The following PUS7L variants were observed in gnomAD, a reference collection of about 807,000 sequenced individuals.
PUS7L encodes the protein pseudouridylate synthase PUS7L.
PUS7L carries 49 observed loss-of-function variants against 51.1 expected under a neutral mutation model. The observed-to-expected ratio is 0.96, with a 90% CI of 0.76 to 1.22. The LOEUF is 1.22. Ranked by LOEUF, PUS7L falls within the 50% of genes most tolerant of loss-of-function variation. The probability of loss-of-function intolerance (pLI) is 0.00; values close to 1 mark genes in which losing one functional copy is unlikely to be tolerated. For synonymous variants in PUS7L, 277 were observed against 276.2 expected (o/e 1.00, Z -0.03); for missense variants, 828 against 820.6 (o/e 1.01, Z -0.11).
At chr12:43,743,323 CACTT>C (rs1200603461) in intron 4 of PUS7L, among the ~76,000 whole-genome samples, 1 of 152,216 alleles carries the variant, frequency 6.6e-6, no homozygotes, top group Non-Finnish European at 1.5e-5. Context: ...GAGTCCTCCA[CACTT>C]ACTTTATGAG....
intron 2 of PUS7L, among the ~76,000 whole-genome samples, chr12:43,751,830 C>T (rs1459026512): frequency 1.3e-5 from 2 of 152,126 alleles, no homozygotes; most frequent in African/African-American, 2.4e-5. Context: ...TAAAAGTGTT[C>T]CTATTTCTCC....
chr12:43,746,279 T>C, intron 3 of PUS7L, 41 bp from the exon 4 acceptor site: 7 of 885,190 alleles, frequency 7.9e-6, no homozygotes, highest in Non-Finnish European at 1.2e-5. Flanking sequence ...AAATTTTACA[T>C]TTAAAAATTA....
At position 43,758,746 on chromosome 12, in the gene PUS7L, G is replaced by T. The variant is rs1939063887; in HGVS notation, c.-33C>A. The T allele has an allele frequency of 2.0e-6, 2 of 979,920 alleles. No individual in the cohort carries two copies. The highest frequency in any genetic ancestry group is 1.2e-4 in the East Asian group (1 of 8,510). The allele number at this position is 979,920 out of a possible 1,614,324, so 60.7% of individuals were successfully genotyped here. On this transcript the variant is annotated 5_prime_UTR_variant, in exon 1 of 9. Coordinates refer to ENST00000344862, the MANE Select transcript of PUS7L (RefSeq NM_031292.5). ...CCCGTCTACCTCGGTTCAGTGGAAG[G>T]CATTCATTTGCACAACGCTGTGCGC...
rs1944420787 is a variant in PUS7L at position 43,723,496 on chromosome 12, G to C, written c.*6880C>G. On this transcript the variant is annotated 3_prime_UTR_variant, in exon 9 of 9. Transcript: ENST00000344862. ...TAACATATTATTGGTCATACAGTGA[G>C]CTGTAAGTGAAATGAAAAGATGCTG... 6.6e-6 allele frequency: 1 copy of C among 152,094 alleles called. No homozygotes were observed. Among genetic ancestry groups the C allele is most frequent in the African/African-American group, 2.4e-5 (1 of 41,434 alleles). The allele number at this position is 152,094 out of a possible 1,614,324, so 9.4% of individuals were successfully genotyped here. A position where few individuals can be genotyped will look rare whatever the true frequency, so the allele number is the denominator to read the frequency against.
intron 4 of PUS7L, among the ~76,000 whole-genome samples, chr12:43,743,661 G>T (rs1300654704): frequency 6.6e-6 from 1 of 152,088 alleles, no homozygotes; most frequent in African/African-American, 2.4e-5. Context: ...TACTCAGGAG[G>T]CTGGGGCAGG....
intron 7 of PUS7L, among the ~76,000 whole-genome samples, chr12:43,732,310 G>C (rs932715620): frequency 1.3e-5 from 2 of 151,932 alleles, no homozygotes; most frequent in Non-Finnish European, 2.9e-5. Flanking sequence ...AGCCAGGTGT[G>C]GTGGCACATG....
At position 43,722,559 on chromosome 12, in the gene PUS7L, C is replaced by A. The variant is rs981699377; in HGVS notation, c.*7817G>T. ...CATAGAATAAAAATGTATTCGATTC[C>A]TTTGCGATATTTTATAGAAAAATAA... On this transcript the variant is annotated 3_prime_UTR_variant, in exon 9 of 9. Transcript: ENST00000344862. 2.0e-5 allele frequency: 3 copies of A among 151,934 alleles called. No homozygotes were observed. The highest frequency in any genetic ancestry group is 4.4e-5 in the Non-Finnish European group (3 of 67,922). 9.4% of individuals were successfully genotyped at this position (151,934 alleles called of 1,614,324 possible). A position where few individuals can be genotyped will look rare whatever the true frequency, so the allele number is the denominator to read the frequency against.
Position 43,729,565 on chromosome 12 carries a change from GA to G in PUS7L, c.*810del, listed in dbSNP as rs1380897973. Reference sequence around the variant, plus strand: ...ACAATGTTTTGTTCCTCCAGCAACAGAAAATGTGGAGATAATCCTATTATTT... The same window carrying G: ...ACAATGTTTTGTTCCTCCAGCAACAGAAATGTGGAGATAATCCTATTATTT... On this transcript the variant is annotated 3_prime_UTR_variant, in exon 9 of 9. Coordinates refer to ENST00000344862, the MANE Select transcript of PUS7L (RefSeq NM_031292.5). 1 of 200,702 alleles carries G rather than the reference GA, an allele frequency of 5.0e-6. No individual in the cohort carries two copies. Among genetic ancestry groups the G allele is most frequent in the Non-Finnish European group, 1.0e-5 (1 of 100,096 alleles). 12.4% of individuals were successfully genotyped at this position (200,702 alleles called of 1,614,324 possible). A position where few individuals can be genotyped will look rare whatever the true frequency, so the allele number is the denominator to read the frequency against.
In PUS7L at chr12:43,748,216, C is replaced by A. The variant is rs141219554; in HGVS notation, c.1070+234G>T. 4.1e-3 allele frequency among the ~76,000 whole-genome samples: 630 copies of A among 152,090 alleles called. 5 individuals are homozygous for A. Among genetic ancestry groups the A allele is most frequent in the African/African-American group, 0.014 (594 of 41,468 alleles). On this transcript the variant is annotated intron_variant, in intron 3 of 8. Transcript: ENST00000344862. Reference sequence around the variant, plus strand: ...AATTTGTAAAATTTGATTAAGCTGACGGAGGCTAAATTTGAGTACTTTACA... The same window carrying A: ...AATTTGTAAAATTTGATTAAGCTGAAGGAGGCTAAATTTGAGTACTTTACA...
rs372816171 is a variant in PUS7L, at chr12:43,727,963, G to C, written c.*2413C>G. ...ATTTTGATGACACAGCTTCTCCTTCGGCATGTTTAATTGGCATGTGATGTT... is the reference window on the plus strand; with the variant it reads ...ATTTTGATGACACAGCTTCTCCTTCCGCATGTTTAATTGGCATGTGATGTT... On this transcript the variant is annotated 3_prime_UTR_variant, in exon 9 of 9. Coordinates refer to ENST00000344862, the MANE Select transcript of PUS7L (RefSeq NM_031292.5). 6.6e-6 allele frequency: 1 copy of C among 152,042 alleles called. No individual in the cohort carries two copies. Among genetic ancestry groups the C allele is most frequent in the South Asian group, 2.1e-4 (1 of 4,818 alleles). 9.4% of individuals were successfully genotyped at this position (152,042 alleles called of 1,614,324 possible). A position where few individuals can be genotyped will look rare whatever the true frequency, so the allele number is the denominator to read the frequency against.
intron 1 of PUS7L, among the ~76,000 whole-genome samples, chr12:43,756,305 T>G (rs1443289355): frequency 1.3e-5 from 2 of 152,226 alleles, no homozygotes; most frequent in African/African-American, 4.8e-5. Context: ...TCTGGCTATT[T>G]CTTCAGGCTG....
At chr12:43,744,517 C>A (rs377318301) in intron 4 of PUS7L, among the ~76,000 whole-genome samples, 12 of 152,188 alleles carry the variant, frequency 7.9e-5, no homozygotes, top group African/African-American at 2.9e-4. Context: ...CCCACCTATA[C>A]GGAACTGTGA....
At chr12:43,750,188 C>G (rs1938375591) in intron 2 of PUS7L, among the ~76,000 whole-genome samples, 1 of 92,646 alleles carries the variant, frequency 1.1e-5, no homozygotes, top group Non-Finnish European at 2.0e-5. Flanking sequence ...AAAGAAATCC[C>G]CAGCTTGTTT....
intron 7 of PUS7L, among the ~76,000 whole-genome samples, chr12:43,733,425 A>T (rs1261724444): frequency 2.0e-5 from 3 of 152,148 alleles, no homozygotes; most frequent in Admixed American, 6.5e-5. Flanking sequence ...TCGATCTTAA[A>T]ATATATATAA....
chr12:43,758,244 G>C, intron 1 of PUS7L: 1 of 881,294 alleles, frequency 1.1e-6, no homozygotes. Context: ...GAAACTTGGG[G>C]AGAATGTAAT....
intron 5 of PUS7L, among the ~76,000 whole-genome samples, chr12:43,741,617 A>G (rs1937901784): frequency 6.6e-6 from 1 of 152,212 alleles, no homozygotes; most frequent in Non-Finnish European, 1.5e-5. Flanking sequence ...GCTGAGGTAA[A>G]CATTTCTAGA....
intron 5 of PUS7L, chr12:43,739,150 A>C (rs1937762223): frequency 6.6e-6 from 1 of 152,354 alleles, no homozygotes; most frequent in Non-Finnish European, 1.5e-5. Flanking sequence ...AGGGCTCAGA[A>C]GTAGAAACTA....
rs1010580787 is a variant in PUS7L, at chr12:43,728,214, A to G, written c.*2162T>C. 9 of 152,212 alleles carry G rather than the reference A, an allele frequency of 5.9e-5. No homozygotes were observed. The highest frequency in any genetic ancestry group is 1.0e-4 in the Non-Finnish European group (7 of 68,018). The allele number at this position is 152,212 out of a possible 1,614,324, so 9.4% of individuals were successfully genotyped here. On this transcript the variant is annotated 3_prime_UTR_variant, in exon 9 of 9. Transcript: ENST00000344862. ...AAGTTTAACATGGCATCTTATTGGC[A>G]TATAAAATAATATTCCACATGAATG... is the stretch of plus-strand genomic sequence containing the variant.
chr12:43,727,280 T>C lies in PUS7L; in HGVS notation c.*3096A>G, dbSNP rs949188878. ...GCCTCTGTGGAAAGCAGTTTGAAGA[T>C]TTCTCAAAGAACTTAAAGCAGACAT... On this transcript the variant is annotated 3_prime_UTR_variant, in exon 9 of 9. Coordinates refer to ENST00000344862, the MANE Select transcript of PUS7L (RefSeq NM_031292.5). 6.6e-6 allele frequency: 1 copy of C among 152,198 alleles called. No individual in the cohort carries two copies. Among genetic ancestry groups the C allele is most frequent in the African/African-American group, 2.4e-5 (1 of 41,448 alleles). 9.4% of individuals were successfully genotyped at this position (152,198 alleles called of 1,614,324 possible).
Sources: allele counts gnomAD v4.1 joint callset (sites outside exome capture counted in the v4.1 genomes callset), GRCh38; gene constraint gnomAD v4.1.1; transcripts MANE v1.5; gene names NCBI Gene and HGNC (gene_info 2026-07-23, HGNC 2026-07-21).